CUBN: variants seen among roughly 807,000 people sequenced by gnomAD.
CUBN encodes the protein cubilin, also known as 460 kDa receptor.
CUBN carries 282 observed loss-of-function variants against 405.3 expected under a neutral mutation model. That is an observed-to-expected ratio of 0.70 (90% CI 0.63 to 0.77). CUBN has a LOEUF of 0.77. Among genes scored for constraint, CUBN ranks in the 30% least tolerant of loss-of-function variants. The pLI, the probability that CUBN is intolerant of heterozygous loss-of-function variation, is 0.00. For synonymous variants in CUBN, 1,684 were observed against 1,617.0 expected (o/e 1.04, Z -0.99); for missense variants, 4,514 against 4,475.2 (o/e 1.01, Z -0.25).
At chr10:16,951,268 T>C (rs1422595653) in intron 33 of CUBN, among the ~76,000 whole-genome samples, 1 of 152,192 alleles carries the variant, frequency 6.6e-6, no homozygotes, top group African/African-American at 2.4e-5. Context: ...TGGCTAAGGA[T>C]GACATCATCG....
chr10:17,060,475 G>A lies in CUBN; in HGVS notation c.3139+5033C>T, dbSNP rs550454990. 1.9e-3 allele frequency among the ~76,000 whole-genome samples: 282 copies of A among 152,268 alleles called. 2 individuals carry two copies. The highest frequency in any genetic ancestry group is 2.1e-3 in the Non-Finnish European group (146 of 68,020). ...GTCAATTTAAGGATGAAGACAAGTA[G>A]GGAACTCAGAATATCATGATTAAGC... is the stretch of plus-strand genomic sequence containing the variant. On this transcript the variant is annotated intron_variant, in intron 22 of 66. Coordinates refer to ENST00000377833, the MANE Select transcript of CUBN (RefSeq NM_001081.4).
At chr10:17,127,734 G>T in intron 3 of CUBN, 95 bp downstream of exon 3, 1 of 809,606 alleles carries the variant, frequency 1.2e-6, no homozygotes, top group Non-Finnish European at 2.1e-6. Context: ...TCTCTAAAGA[G>T]CACACAAAGT....
intron 17 of CUBN, among the ~76,000 whole-genome samples, chr10:17,074,187 C>A (rs1016329283): frequency 8.5e-5 from 13 of 152,174 alleles, no homozygotes; most frequent in African/African-American, 2.9e-4. Flanking sequence ...AAGGAACTTA[C>A]AATAGGCAGG....
intron 31 of CUBN, among the ~76,000 whole-genome samples, chr10:16,982,264 C>T (rs1249519646): frequency 1.3e-5 from 2 of 152,100 alleles, no homozygotes; most frequent in Admixed American, 6.6e-5. Context: ...ATAATGGTAG[C>T]GCAGAAACTG....
intron 55 of CUBN, 38 bp from the exon 56 acceptor site, chr10:16,888,604 T>C (rs2131396501): frequency 6.3e-7 from 1 of 1,586,626 alleles, no homozygotes; most frequent in Non-Finnish European, 8.7e-7. Context: ...GATCATTTAT[T>C]TCTCGTGTAT....
intron 36 of CUBN, among the ~76,000 whole-genome samples, chr10:16,942,477 G>T (rs1160463764): frequency 6.6e-6 from 1 of 152,024 alleles, no homozygotes; most frequent in Non-Finnish European, 1.5e-5. Flanking sequence ...AACATGAAAA[G>T]ATTTTCAAAC....
intron 65 of CUBN, among the ~76,000 whole-genome samples, chr10:16,831,012 G>C (rs1005726205): frequency 1.3e-5 from 2 of 152,020 alleles, no homozygotes; most frequent in African/African-American, 4.8e-5. Flanking sequence ...ACTTGAACCT[G>C]GGAGGTGGAG....
At chr10:17,117,877 C>T (rs1458484689) in intron 6 of CUBN, among the ~76,000 whole-genome samples, 2 of 152,212 alleles carry the variant, frequency 1.3e-5, no homozygotes, top group African/African-American at 4.8e-5. Flanking sequence ...CTAACTCCCT[C>T]TGCCTCAATT....
intron 40 of CUBN, among the ~76,000 whole-genome samples, chr10:16,932,824 A>T (rs535902921): frequency 1.2e-3 from 185 of 152,312 alleles, no homozygotes; most frequent in Non-Finnish European, 2.4e-3. Context: ...TGACATTCAG[A>T]CTATTCTTTC....
At chr10:17,103,636 T>A (rs1180834473) in intron 12 of CUBN, among the ~76,000 whole-genome samples, 1 of 152,222 alleles carries the variant, frequency 6.6e-6, no homozygotes, top group Non-Finnish European at 1.5e-5. Flanking sequence ...TATTTTACAC[T>A]TTCATATTTT....
At chr10:16,856,036 C>T (rs1408734641) in intron 59 of CUBN, among the ~76,000 whole-genome samples, 1 of 152,150 alleles carries the variant, frequency 6.6e-6, no homozygotes, top group South Asian at 2.1e-4. Context: ...CCACATTGCT[C>T]TTTCTGTGTT....
At chr10:16,990,274 GT>G in intron 29 of CUBN, 59 bp downstream of exon 29, 8 of 1,492,448 alleles carry the variant, frequency 5.4e-6, no homozygotes, top group Non-Finnish European at 7.5e-6. Flanking sequence ...TCTTGGCAGA[GT>G]GATTTCCTGT....
At chr10:16,996,010 C>T (rs1237464595) in intron 28 of CUBN, among the ~76,000 whole-genome samples, 1 of 152,014 alleles carries the variant, frequency 6.6e-6, no homozygotes, top group African/African-American at 2.4e-5. Flanking sequence ...TATTGTGACA[C>T]CCACCCTCCC....
At chr10:16,889,953 AC>A (rs1840951222) in intron 55 of CUBN, among the ~76,000 whole-genome samples, 18 of 118,002 alleles carry the variant, frequency 1.5e-4, no homozygotes, top group African/African-American at 3.4e-4. Flanking sequence ...AAAAAAAAAA[AC>A]AGGAAAGACT....
intron 59 of CUBN, among the ~76,000 whole-genome samples, chr10:16,862,160 T>TCACACA (rs66664283): frequency 0.15 from 19,708 of 131,010 alleles, 1,678 homozygotes; most frequent in East Asian, 0.37. Flanking sequence ...TCTCTCTCTC[T>TCACACA]CACACACACA....
chr10:16,827,018 GTC>G (rs950652826), intron 66 of CUBN, among the ~76,000 whole-genome samples: 4 of 152,034 alleles, frequency 2.6e-5, no homozygotes, highest in East Asian at 1.9e-4. Flanking sequence ...ATTTACTGGG[GTC>G]TCTCTCTCTG....
intron 28 of CUBN, among the ~76,000 whole-genome samples, chr10:16,991,430 G>A (rs3012477): frequency 0.73 from 111,422 of 152,042 alleles, 42,892 homozygotes; most frequent in Non-Finnish European, 0.87. Flanking sequence ...TTACTATACC[G>A]CACAGGCTCT....
chr10:17,030,209 T>G (rs1051014323), intron 27 of CUBN, among the ~76,000 whole-genome samples: 1 of 152,186 alleles, frequency 6.6e-6, no homozygotes, highest in Admixed American at 6.5e-5. Context: ...TTTCACTATA[T>G]ATTACAATGT....
intron 27 of CUBN, among the ~76,000 whole-genome samples, chr10:17,029,170 G>T (rs529300026): frequency 1.3e-5 from 2 of 152,186 alleles, no homozygotes; most frequent in Admixed American, 6.5e-5. Flanking sequence ...GAGGAAACAC[G>T]CAGAGTTTCT....
Sources: gnomAD v4.1 joint callset for allele counts (sites outside exome capture counted in the v4.1 genomes callset) on GRCh38, gnomAD v4.1.1 for gene constraint, MANE v1.5 for transcripts, NCBI Gene and HGNC (gene_info 2026-07-23, HGNC 2026-07-21) for gene names.